Variants in STIMATE observed in about 807,000 individuals in gnomAD.
STIMATE encodes store-operated calcium entry regulator STIMATE.
A neutral mutation model predicts 36.7 loss-of-function variants in STIMATE; 15 were observed. The ratio of observed to expected loss-of-function variants is 0.41; its 90% CI spans 0.27 to 0.63. STIMATE has a LOEUF of 0.63. STIMATE is among the 20% of genes least tolerant of loss of function. The probability of loss-of-function intolerance (pLI) is 0.32; values close to 1 mark genes in which losing one functional copy is unlikely to be tolerated. For synonymous variants in STIMATE, 163 were observed against 162.3 expected, an observed-to-expected ratio of 1.00 and a Z score of -0.03; for missense variants, 305 against 397.3, an observed-to-expected ratio of 0.77 and a Z score of 1.98.
intron 4 of STIMATE, among the ~76,000 whole-genome samples, chr3:52,848,950 C>A (rs948011438): frequency 6.6e-6 from 1 of 152,202 alleles, no homozygotes; most frequent in Non-Finnish European, 1.5e-5. Flanking sequence ...CTGGAAATAT[C>A]CAAGGTACTC....
At chr3:52,841,915 T>C (rs1373035426) in intron 7 of STIMATE, 1 of 152,188 alleles carries the variant, frequency 6.6e-6, no homozygotes, top group Non-Finnish European at 1.5e-5. Context: ...CACCAAGCTC[T>C]CATATGACAG....
chr3:52,843,004 T>C (rs747583087), intron 6 of STIMATE, 44 bp from the exon 7 acceptor site: 4 of 1,612,916 alleles, frequency 2.5e-6, no homozygotes, highest in East Asian at 2.2e-5. Context: ...TAAACCATTT[T>C]TCAAAGCAAA....
intron 1 of STIMATE, among the ~76,000 whole-genome samples, chr3:52,891,619 G>A (rs562406934): frequency 2.0e-5 from 3 of 152,222 alleles, no homozygotes; most frequent in South Asian, 2.1e-4. Flanking sequence ...TTGTTTTGGC[G>A]CATGCTAATC....
intron 1 of STIMATE, among the ~76,000 whole-genome samples, chr3:52,868,306 C>G (rs1215545604): frequency 6.6e-6 from 1 of 152,238 alleles, no homozygotes; most frequent in Non-Finnish European, 1.5e-5. Context: ...CCAGCCTCCC[C>G]TGCTGCTGGT....
intron 1 of STIMATE, among the ~76,000 whole-genome samples, chr3:52,863,648 T>C (rs1180259122): frequency 2.0e-5 from 3 of 152,102 alleles, no homozygotes; most frequent in Admixed American, 6.5e-5. Context: ...AAGTCGACAG[T>C]CCAAAGTCTC....
chr3:52,853,729 C>T (rs546472657), intron 2 of STIMATE, among the ~76,000 whole-genome samples: 6 of 152,086 alleles, frequency 3.9e-5, no homozygotes, highest in East Asian at 1.9e-4. Context: ...GAAAAATCAA[C>T]GGGGGGAAAA....
intron 1 of STIMATE, among the ~76,000 whole-genome samples, chr3:52,876,499 T>C (rs540251945): frequency 1.3e-5 from 2 of 152,180 alleles, no homozygotes; most frequent in African/African-American, 4.8e-5. Context: ...ACTGCATGGG[T>C]CCACTTATAC....
chr3:52,897,328 C>T lies in STIMATE; in HGVS notation c.123G>A (p.Gln41=). Residue 41 remains glutamine, a synonymous_variant, in exon 1 of 8, where the codon CAG becomes CAA. Transcript: ENST00000355083. ...TGAAGGCCACGACGCCGAGCAGCCC[C>T]TGCAGGAAGATGCCGAAGCTGTGCA... ...ALMHSFGIFL[Q]GLLGVVAFST... The T allele has an allele frequency of 6.4e-7, 1 of 1,552,082 alleles. No individual in the cohort carries two copies. Among genetic ancestry groups the T allele is most frequent in the East Asian group, 2.4e-5 (1 of 41,738 alleles).
intron 4 of STIMATE, chr3:52,847,190 G>A (rs771950010): frequency 1.0e-4 from 108 of 1,063,318 alleles, no homozygotes; most frequent in Non-Finnish European, 1.2e-4. Context: ...GGAATGACAG[G>A]TGTGAGCCAC....
chr3:52,864,714 C>T (rs1459772225), intron 1 of STIMATE, among the ~76,000 whole-genome samples: 14 of 152,184 alleles, frequency 9.2e-5, no homozygotes, highest in Admixed American at 7.9e-4. Flanking sequence ...GAATGCCTTG[C>T]TGCTTAGAAA....
chr3:52,885,080 G>T (rs2336668), intron 1 of STIMATE, among the ~76,000 whole-genome samples: 87,826 of 151,952 alleles, frequency 0.58, 25,808 homozygotes, highest in Middle Eastern at 0.64. Flanking sequence ...TCTTGGTATT[G>T]TTCATCAATT....
At chr3:52,843,075 G>T in intron 6 of STIMATE, 115 bp from the exon 7 acceptor site, 1 of 1,501,526 alleles carries the variant, frequency 6.7e-7, no homozygotes, top group Non-Finnish European at 8.9e-7. Context: ...GCTATGGAAA[G>T]AAAAACCCAA....
intron 1 of STIMATE, among the ~76,000 whole-genome samples, chr3:52,863,731 C>A (rs1037252760): frequency 1.3e-5 from 2 of 152,166 alleles, no homozygotes; most frequent in Non-Finnish European, 2.9e-5. Context: ...TTCCTAGATA[C>A]AACAGGAGTA....
At chr3:52,888,460 C>T (rs142239987) in intron 1 of STIMATE, among the ~76,000 whole-genome samples, 3 of 152,354 alleles carry the variant, frequency 2.0e-5, no homozygotes, top group African/African-American at 2.4e-5. Context: ...TAGAAAGCTG[C>T]TCTAATGATC....
chr3:52,851,469 C>T (rs918758544), intron 3 of STIMATE, among the ~76,000 whole-genome samples: 1 of 152,248 alleles, frequency 6.6e-6, no homozygotes, highest in Non-Finnish European at 1.5e-5. Context: ...ACACAGCACT[C>T]TGATGCCAGA....
At chr3:52,877,939 C>CA (rs1470461448) in intron 1 of STIMATE, among the ~76,000 whole-genome samples, 1 of 151,922 alleles carries the variant, frequency 6.6e-6, no homozygotes, top group East Asian at 1.9e-4. Flanking sequence ...ACTAAAAATA[C>CA]AAAAAATTAG....
rs1302890704 is a variant in STIMATE at position 52,852,590 on chromosome 3, A to G, written c.305+13T>C. 2 of 1,612,512 alleles carry G rather than the reference A, an allele frequency of 1.2e-6. No homozygotes were observed. The highest frequency in any genetic ancestry group is 1.7e-6 in the Non-Finnish European group (2 of 1,179,462). Reference sequence around the variant, plus strand: ...GGGCAGCTGATGTTTGCACTCAAATAGGGAACACTTACAGTGAACAAGGGT... The same window carrying G: ...GGGCAGCTGATGTTTGCACTCAAATGGGGAACACTTACAGTGAACAAGGGT... On this transcript the variant is annotated intron_variant, in intron 3 of 7. Coordinates refer to ENST00000355083, the MANE Select transcript of STIMATE (RefSeq NM_198563.5).
intron 1 of STIMATE, chr3:52,896,065 T>C (rs1298361679): frequency 2.1e-5 from 13 of 629,348 alleles, no homozygotes; most frequent in Admixed American, 1.2e-4. Context: ...ATAAGACTTA[T>C]CAAGGACAGG....
intron 1 of STIMATE, among the ~76,000 whole-genome samples, chr3:52,880,593 C>A (rs538377707): frequency 2.0e-5 from 3 of 152,098 alleles, no homozygotes; most frequent in African/African-American, 7.2e-5. Context: ...CTTCCTTTCC[C>A]GTAGCATTGG....
Sources: allele counts gnomAD v4.1 joint callset (sites outside exome capture counted in the v4.1 genomes callset), GRCh38; gene constraint gnomAD v4.1.1; transcripts MANE v1.5; gene names NCBI Gene and HGNC (gene_info 2026-07-23, HGNC 2026-07-21).